TAFA1: variants seen among roughly 807,000 people sequenced by gnomAD.
TAFA1 encodes the protein TAFA chemokine like family member 1.
TAFA1 carries 4 observed loss-of-function variants against 18.5 expected under a neutral mutation model. The ratio of observed to expected loss-of-function variants is 0.22; its 90% CI spans 0.11 to 0.49. The LOEUF (loss-of-function observed/expected upper bound fraction) is 0.49, where lower values mean the gene tolerates loss of function less well. Among genes scored for constraint, TAFA1 ranks in the 20% least tolerant of loss-of-function variants. The pLI is 0.98. For missense variants in TAFA1, 147 were observed against 169.0 expected, an observed-to-expected ratio of 0.87 and a Z score of 0.72; for synonymous variants, 56 against 55.2, an observed-to-expected ratio of 1.01 and a Z score of -0.06.
At chr3:68,178,584 T>C (rs2066156078) in intron 2 of TAFA1, among the ~76,000 whole-genome samples, 1 of 152,256 alleles carries the variant, frequency 6.6e-6, no homozygotes, top group South Asian at 2.1e-4. Context: ...ACAAACAGGC[T>C]GGAAAAAAAG....
intron 2 of TAFA1, among the ~76,000 whole-genome samples, chr3:68,316,347 T>A (rs909822536): frequency 3.3e-5 from 5 of 152,150 alleles, no homozygotes; most frequent in Admixed American, 6.5e-5. Flanking sequence ...AATTTACCTG[T>A]CCTAAAATAT....
chr3:68,199,469 A>G (rs964047852), intron 2 of TAFA1, among the ~76,000 whole-genome samples: 1 of 151,538 alleles, frequency 6.6e-6, no homozygotes, highest in Non-Finnish European at 1.5e-5. Flanking sequence ...CATCTTGACA[A>G]TATTAAGTCC....
At chr3:68,251,563 G>T (rs1276229438) in intron 2 of TAFA1, among the ~76,000 whole-genome samples, 1 of 152,192 alleles carries the variant, frequency 6.6e-6, no homozygotes, top group Non-Finnish European at 1.5e-5. Flanking sequence ...GAAAGTGAAG[G>T]AGAAAGAAGA....
chr3:68,465,060 G>A (rs2071860457), intron 3 of TAFA1, among the ~76,000 whole-genome samples: 1 of 152,128 alleles, frequency 6.6e-6, no homozygotes, highest in Non-Finnish European at 1.5e-5. Flanking sequence ...CCCTTCGCTA[G>A]TGATTGGCTT....
intron 2 of TAFA1, among the ~76,000 whole-genome samples, chr3:68,049,039 C>G (rs751985859): frequency 5.9e-5 from 9 of 152,170 alleles, no homozygotes; most frequent in Admixed American, 5.9e-4. Flanking sequence ...AACCCCTGAA[C>G]TGTTCTCCAT....
chr3:68,076,252 C>A (rs1054918516), intron 2 of TAFA1, among the ~76,000 whole-genome samples: 3 of 149,878 alleles, frequency 2.0e-5, no homozygotes, highest in Non-Finnish European at 4.4e-5. Flanking sequence ...GTCAACAAGC[C>A]ATAAGGGGTT....
At chr3:68,329,372 G>GACC (rs940963522) in intron 2 of TAFA1, among the ~76,000 whole-genome samples, 13 of 151,718 alleles carry the variant, frequency 8.6e-5, no homozygotes, top group African/African-American at 3.2e-4. Flanking sequence ...AGCCACTTGT[G>GACC]ACCACTCTTA....
In TAFA1 at chr3:68,116,655, G is replaced by A. The variant is rs558271542; in HGVS notation, c.118+109911G>A. Among the ~76,000 whole-genome samples the A allele has an allele frequency of 2.0e-5, 3 of 152,266 alleles. No homozygotes were observed. In the East Asian group the frequency reaches 5.8e-4, roughly 29 times the overall value. The stretch of plus-strand genomic sequence containing the variant: ...TCATCAAAATTTGTCAATATCGCAT[G>A]ATACTATTTTGTTTACCTATTTATC... On this transcript the variant is annotated intron_variant, in intron 2 of 4. Coordinates refer to ENST00000478136, the MANE Select transcript of TAFA1 (RefSeq NM_213609.4).
chr3:68,267,441 G>C (rs570965847), intron 2 of TAFA1, among the ~76,000 whole-genome samples: 68 of 152,112 alleles, frequency 4.5e-4, no homozygotes, highest in Non-Finnish European at 8.7e-4. Flanking sequence ...TGGAAAATGA[G>C]GTGTGAAGCC....
At chr3:68,288,765 T>G (rs1187212007) in intron 2 of TAFA1, among the ~76,000 whole-genome samples, 1 of 152,246 alleles carries the variant, frequency 6.6e-6, no homozygotes, top group African/African-American at 2.4e-5. Context: ...ATTCAATGAC[T>G]TATTAATGAC....
intron 3 of TAFA1, among the ~76,000 whole-genome samples, chr3:68,447,326 T>C (rs1010798720): frequency 6.6e-6 from 1 of 152,192 alleles, no homozygotes; most frequent in Non-Finnish European, 1.5e-5. Context: ...AGAACCAGGA[T>C]TGACTGGTTG....
chr3:68,363,021 A>T (rs2069499826), intron 2 of TAFA1, among the ~76,000 whole-genome samples: 1 of 106,536 alleles, frequency 9.4e-6, no homozygotes, highest in Non-Finnish European at 1.7e-5. Context: ...AACTGTCCTG[A>T]CTTTAAAATT....
intron 3 of TAFA1, among the ~76,000 whole-genome samples, chr3:68,434,968 T>C (rs549092963): frequency 2.5e-4 from 38 of 152,060 alleles, no homozygotes; most frequent in Non-Finnish European, 5.4e-4. Context: ...GAGTGACCAA[T>C]AGGACATGAT....
At chr3:68,181,716 C>T (rs1049160146) in intron 2 of TAFA1, among the ~76,000 whole-genome samples, 8 of 152,156 alleles carry the variant, frequency 5.3e-5, no homozygotes, top group African/African-American at 1.7e-4. Context: ...ATACTAGACT[C>T]CTAATGGAGA....
chr3:68,508,874 G>T (rs2072805518), intron 3 of TAFA1, among the ~76,000 whole-genome samples: 1 of 152,010 alleles, frequency 6.6e-6, no homozygotes, highest in Admixed American at 6.6e-5. Context: ...AGAAGAAGAT[G>T]AGAAGGCTGG....
At chr3:68,044,138 G>A (rs924510072) in intron 2 of TAFA1, among the ~76,000 whole-genome samples, 3 of 152,212 alleles carry the variant, frequency 2.0e-5, no homozygotes, top group Non-Finnish European at 2.9e-5. Context: ...TACTTCATTC[G>A]TTTGTTCCTT....
At chr3:68,296,453 A>T (rs1366020433) in intron 2 of TAFA1, among the ~76,000 whole-genome samples, 3 of 152,236 alleles carry the variant, frequency 2.0e-5, no homozygotes, top group African/African-American at 7.2e-5. Flanking sequence ...ATACAAATTC[A>T]TCTAGGTGTT....
intron 3 of TAFA1, among the ~76,000 whole-genome samples, chr3:68,482,250 G>A (rs556755230): frequency 3.3e-5 from 5 of 152,208 alleles, no homozygotes; most frequent in African/African-American, 4.8e-5. Flanking sequence ...CTCGTGATCC[G>A]CCCGCCTCGG....
In TAFA1 at chr3:68,262,330, TA is replaced by T. The variant is rs1168914993; in HGVS notation, c.119-154949del. ...GGGTATATATATATATATATATATA[TA>T]TATATATATATATATATATATATAT... On this transcript the variant is annotated intron_variant, in intron 2 of 4. Coordinates refer to ENST00000478136, the MANE Select transcript of TAFA1 (RefSeq NM_213609.4). 7.4e-4 allele frequency among the ~76,000 whole-genome samples: 59 copies of T among 79,968 alleles called. 2 individuals carry two copies. Among genetic ancestry groups the T allele is most frequent in the African/African-American group, 2.0e-3 (43 of 21,266 alleles). The allele number at this position is 79,968 out of a possible 152,430, so 52.5% of individuals were successfully genotyped here. A position where few individuals can be genotyped will look rare whatever the true frequency, so the allele number is the denominator to read the frequency against.
Sources: allele counts gnomAD v4.1 joint callset (sites outside exome capture counted in the v4.1 genomes callset), GRCh38; gene constraint gnomAD v4.1.1; transcripts MANE v1.5; gene names NCBI Gene and HGNC (gene_info 2026-07-23, HGNC 2026-07-21).